BANK1: variants seen among roughly 807,000 people sequenced by gnomAD.
BANK1 encodes the protein B-cell scaffold protein with ankyrin repeats.
BANK1 carries 95 observed loss-of-function variants against 94.5 expected under a neutral mutation model. The ratio of observed to expected loss-of-function variants is 1.00; its 90% CI spans 0.85 to 1.19. The LOEUF (loss-of-function observed/expected upper bound fraction) is 1.19. Ranked by LOEUF, BANK1 falls within the 50% of genes most tolerant of loss-of-function variation. The pLI is 0.00. For synonymous variants in BANK1, 334 were observed against 308.4 expected (o/e 1.08, Z -0.87); for missense variants, 987 against 932.2 (o/e 1.06, Z -0.77).
rs1722885104 is a variant in BANK1 at position 101,918,082 on chromosome 4, G to A, written c.1099G>A (p.Gly367Arg). 5 of 1,612,076 alleles carry A rather than the reference G, an allele frequency of 3.1e-6. No individual in the cohort carries two copies. In the Admixed American group the frequency reaches 6.7e-5, roughly 22 times the overall value. ...GGCTATTCATTTGCTTCAATGTTCA[G>A]GAGCAACCTGGGCATCTAAGATGAA... ...NLAIHLLQCS[G>R]ATWASKMKNM... The change falls in exon 7 of 17, where the codon GGA (glycine) becomes AGA (arginine). Residue 367 changes from glycine (G) to arginine (R), a missense_variant. Transcript: ENST00000322953.
intron 7 of BANK1, among the ~76,000 whole-genome samples, chr4:101,988,091 T>G (rs1257240506): frequency 6.6e-6 from 1 of 152,204 alleles, no homozygotes; most frequent in Non-Finnish European, 1.5e-5. Flanking sequence ...GCCCCTGAGA[T>G]GTTTGTGGTT....
chr4:101,925,772 G>GTTCTTTCATTTTTTTCTGGC lies in BANK1; in HGVS notation c.1206+7592_1206+7611dup, dbSNP rs1277011823. ...TTTCTCAGAAGCCTTCTAAACTTTA[G>GTTCTTTCATTTTTTTCTGGC]TTCTTTCATTTTTTTCTGGCTTCTT... On this transcript the variant is annotated intron_variant, in intron 7 of 16. Transcript: ENST00000322953. Among the ~76,000 whole-genome samples the GTTCTTTCATTTTTTTCTGGC allele has an allele frequency of 8.6e-5, 13 of 151,746 alleles. No homozygotes were observed. The East Asian group carries it at 1.8e-3, about 21-fold the overall frequency.
chr4:102,021,778 T>A (rs1269285888), intron 8 of BANK1, among the ~76,000 whole-genome samples, 186 bp downstream of exon 8: 2 of 152,136 alleles, frequency 1.3e-5, no homozygotes, highest in Non-Finnish European at 2.9e-5. Flanking sequence ...TTAAATACTT[T>A]TAATAAGTTC....
intron 1 of BANK1, among the ~76,000 whole-genome samples, chr4:101,806,076 ATTTTCTTTTAT>A (rs569845978): frequency 2.2e-3 from 334 of 152,000 alleles, no homozygotes; most frequent in Non-Finnish European, 3.8e-3. Flanking sequence ...ATATTAATAT[ATTTTCTTTTAT>A]TTTTCTTTTT....
At chr4:101,998,381 A>G (rs1192269535) in intron 7 of BANK1, among the ~76,000 whole-genome samples, 1 of 152,136 alleles carries the variant, frequency 6.6e-6, no homozygotes, top group Non-Finnish European at 1.5e-5. Flanking sequence ...TGCTGAGAAG[A>G]ATGTATATTC....
At chr4:102,008,944 T>C (rs1726395240) in intron 7 of BANK1, among the ~76,000 whole-genome samples, 1 of 152,222 alleles carries the variant, frequency 6.6e-6, no homozygotes. Context: ...CAGGGAAGCC[T>C]GAAGTCATGT....
chr4:102,053,737 G>T (rs1428192071), intron 11 of BANK1, among the ~76,000 whole-genome samples: 1 of 151,594 alleles, frequency 6.6e-6, no homozygotes, highest in Non-Finnish European at 1.5e-5. Flanking sequence ...TATAAGACAT[G>T]AATGTAAAAT....
intron 3 of BANK1, among the ~76,000 whole-genome samples, chr4:101,858,262 G>A (rs1157314333): frequency 6.6e-6 from 1 of 152,168 alleles, no homozygotes; most frequent in Non-Finnish European, 1.5e-5. Flanking sequence ...CTAGGGGGTT[G>A]CTACTAGCAT....
intron 11 of BANK1, among the ~76,000 whole-genome samples, chr4:102,045,430 GTTCT>G (rs1391177595): frequency 2.2e-4 from 33 of 152,262 alleles, no homozygotes; most frequent in African/African-American, 7.9e-4. Context: ...AGTGTTGGAA[GTTCT>G]GGCCAAGGCA....
At chr4:101,909,659 A>T (rs1315191589) in intron 6 of BANK1, among the ~76,000 whole-genome samples, 1 of 152,202 alleles carries the variant, frequency 6.6e-6, no homozygotes, top group African/African-American at 2.4e-5. Flanking sequence ...GGCCATTATG[A>T]ACATGTTACA....
chr4:101,886,765 G>C (rs1002023397), intron 5 of BANK1, among the ~76,000 whole-genome samples: 7 of 147,624 alleles, frequency 4.7e-5, no homozygotes, highest in Non-Finnish European at 9.0e-5. Flanking sequence ...ATATATTGGG[G>C]GGGGGGGCAT....
At chr4:101,934,517 T>C (rs1013427726) in intron 7 of BANK1, among the ~76,000 whole-genome samples, 2 of 151,520 alleles carry the variant, frequency 1.3e-5, no homozygotes, top group African/African-American at 4.8e-5. Flanking sequence ...AAATGAATTT[T>C]AGAAACCAGA....
At chr4:102,073,140 T>G (rs1253342357) in intron 15 of BANK1, among the ~76,000 whole-genome samples, 1 of 151,924 alleles carries the variant, frequency 6.6e-6, no homozygotes, top group Non-Finnish European at 1.5e-5. Context: ...AAGTCATAAG[T>G]AATCATAAAA....
At chr4:101,865,840 G>A (rs531741510) in intron 4 of BANK1, among the ~76,000 whole-genome samples, 7 of 152,012 alleles carry the variant, frequency 4.6e-5, no homozygotes, top group Non-Finnish European at 8.8e-5. Flanking sequence ...ACTCTGTCTC[G>A]GTAAAGTACT....
At chr4:101,817,741 C>G (rs1198951275) in intron 1 of BANK1, among the ~76,000 whole-genome samples, 3 of 152,088 alleles carry the variant, frequency 2.0e-5, no homozygotes, top group East Asian at 3.8e-4. Flanking sequence ...TCCTGATATG[C>G]CTTAAAGGAA....
At chr4:101,919,820 A>T (rs1287994634) in intron 7 of BANK1, among the ~76,000 whole-genome samples, 1 of 152,038 alleles carries the variant, frequency 6.6e-6, no homozygotes, top group Non-Finnish European at 1.5e-5. Context: ...AAGTGCCAAC[A>T]GATCTGTCAA....
chr4:101,955,470 G>T (rs1213043528), intron 7 of BANK1, among the ~76,000 whole-genome samples: 1 of 151,906 alleles, frequency 6.6e-6, no homozygotes, highest in Non-Finnish European at 1.5e-5. Context: ...TAGAGCCAGT[G>T]TCTTTTTTTT....
chr4:102,022,028 T>C (rs1726925121), intron 8 of BANK1, among the ~76,000 whole-genome samples: 1 of 152,104 alleles, frequency 6.6e-6, no homozygotes, highest in African/African-American at 2.4e-5. Context: ...TGAAGAATAA[T>C]TCAGGATGTT....
intron 1 of BANK1, among the ~76,000 whole-genome samples, chr4:101,806,584 A>G (rs1251679508): frequency 1.3e-5 from 2 of 152,200 alleles, no homozygotes; most frequent in Non-Finnish European, 2.9e-5. Context: ...GAGAGGCAAT[A>G]TTATGTATAT....
Sources: gnomAD v4.1 joint callset for allele counts (sites outside exome capture counted in the v4.1 genomes callset) on GRCh38, gnomAD v4.1.1 for gene constraint, MANE v1.5 for transcripts, NCBI Gene and HGNC (gene_info 2026-07-23, HGNC 2026-07-21) for gene names.